The following PRTG variants were observed in gnomAD, a reference collection of about 807,000 sequenced individuals.
PRTG encodes protogenin, also known as immunoglobulin superfamily, DCC subclass, member 5.
In PRTG, 67 loss-of-function variants were observed where a neutral mutation model predicts 122.5. The ratio of observed to expected loss-of-function variants is 0.55; its 90% CI spans 0.45 to 0.67. PRTG has a LOEUF of 0.67. Ranked by LOEUF, PRTG falls within the 30% of genes least tolerant of loss-of-function variation. The probability of loss-of-function intolerance (pLI) is 0.00; values close to 1 mark genes in which losing one functional copy is unlikely to be tolerated. For synonymous variants in PRTG, 554 were observed against 501.1 expected, an observed-to-expected ratio of 1.11 and a Z score of -1.41; for missense variants, 1,435 against 1,415.4, an observed-to-expected ratio of 1.01 and a Z score of -0.22.
chr15:55,616,685 T>G lies in PRTG; in HGVS notation c.*3327A>C, dbSNP rs28523366. On this transcript the variant is annotated 3_prime_UTR_variant, in exon 20 of 20. Coordinates refer to ENST00000389286, the MANE Select transcript of PRTG (RefSeq NM_173814.6). ...TTTAATGTACAACTATATTTGCCTA[T>G]ATGCGGAGGTAACCTTAAATATCTT... 5 of 152,184 alleles carry G rather than the reference T, an allele frequency of 3.3e-5. No homozygotes were observed. The highest frequency in any genetic ancestry group is 1.2e-4 in the African/African-American group (5 of 41,462). The allele number at this position is 152,184 out of a possible 1,614,324, so 9.4% of individuals were successfully genotyped here.
chr15:55,683,073 T>G (rs948680083), intron 3 of PRTG, among the ~76,000 whole-genome samples: 2 of 152,334 alleles, frequency 1.3e-5, no homozygotes, highest in East Asian at 3.9e-4. Flanking sequence ...TCATTTGACA[T>G]TCTAGCATAG....
At chr15:55,663,598 A>G (rs1169175606) in intron 11 of PRTG, among the ~76,000 whole-genome samples, 12 of 151,366 alleles carry the variant, frequency 7.9e-5, no homozygotes, top group Admixed American at 7.9e-4. Flanking sequence ...CTGGAGTGCA[A>G]TGGCGCTATC....
chr15:55,716,143 G>A (rs573362997), intron 2 of PRTG, among the ~76,000 whole-genome samples: 2 of 152,328 alleles, frequency 1.3e-5, no homozygotes, highest in South Asian at 4.1e-4. Context: ...TGAGACGGGA[G>A]AATCGCTTGA....
chr15:55,691,697 G>T (rs1325363493), intron 2 of PRTG, among the ~76,000 whole-genome samples: 11 of 136,142 alleles, frequency 8.1e-5, no homozygotes, highest in Admixed American at 7.9e-4. Context: ...AAAAAAAAAA[G>T]AATATGTGTT....
rs1567067860 is a variant in PRTG, at chr15:55,612,737, T to TATATATATATATATATATATATATATAC, written c.*7274_*7275insGTATATATATATATATATATATATATAT. The TATATATATATATATATATATATATATAC allele has an allele frequency of 5.5e-5, 3 of 54,314 alleles. 1 individual carries two copies. Among genetic ancestry groups the TATATATATATATATATATATATATATAC allele is most frequent in the African/African-American group, 1.4e-4 (3 of 21,652 alleles). The allele number at this position is 54,314 out of a possible 1,614,324, so 3.4% of individuals were successfully genotyped here. On this transcript the variant is annotated 3_prime_UTR_variant, in exon 20 of 20. Transcript: ENST00000389286. ...ATATATATATATATATATATATATA[T>TATATATATATATATATATATATATATAC]ATATATATATATGACTTAAATTGGA... is the stretch of plus-strand genomic sequence containing the variant.
intron 2 of PRTG, among the ~76,000 whole-genome samples, chr15:55,689,922 C>T (rs754220849): frequency 1.4e-4 from 20 of 147,572 alleles, no homozygotes; most frequent in Admixed American, 1.2e-3. Context: ...AGCAAGACTC[C>T]GTCTCAAAAA....
intron 2 of PRTG, among the ~76,000 whole-genome samples, chr15:55,722,408 A>G (rs2030858723): frequency 1.5e-5 from 1 of 68,238 alleles, no homozygotes; most frequent in African/African-American, 2.9e-5. Context: ...GGGGAAATGA[A>G]TAACTATGAC....
chr15:55,650,188 C>A (rs776811042), intron 11 of PRTG, among the ~76,000 whole-genome samples: 6 of 152,118 alleles, frequency 3.9e-5, no homozygotes, highest in Non-Finnish European at 7.3e-5. Flanking sequence ...AGAAAGCTGA[C>A]ACGTTTGTCA....
intron 2 of PRTG, chr15:55,738,487 G>GTACT: frequency 1.4e-6 from 1 of 701,290 alleles, no homozygotes; most frequent in Non-Finnish European, 2.6e-6. Flanking sequence ...CCTCCACTAT[G>GTACT]TACTCCCTAT....
intron 2 of PRTG, among the ~76,000 whole-genome samples, chr15:55,694,018 T>A (rs1047560446): frequency 2.6e-5 from 4 of 152,210 alleles, no homozygotes; most frequent in Non-Finnish European, 4.4e-5. Flanking sequence ...CTTAGGTAGC[T>A]TTTGCATAAA....
In PRTG at chr15:55,613,759, CTTTTTTTTTTT is replaced by C. The variant is rs61634198; in HGVS notation, c.*6242_*6252del. 8.3e-6 allele frequency: 1 copy of C among 120,546 alleles called. No homozygotes were observed. The highest frequency in any genetic ancestry group is 8.9e-5 in the Admixed American group (1 of 11,278). The allele number at this position is 120,546 out of a possible 1,614,324, so 7.5% of individuals were successfully genotyped here. A position where few individuals can be genotyped will look rare whatever the true frequency, so the allele number is the denominator to read the frequency against. On this transcript the variant is annotated 3_prime_UTR_variant, in exon 20 of 20. Coordinates refer to ENST00000389286, the MANE Select transcript of PRTG (RefSeq NM_173814.6). ...ACTATGACCCTGGGTGATTAAATAC[CTTTTTTTTTTT>C]TTTTTTTTTTTAAGCTGAGACAATG... is the stretch of plus-strand genomic sequence containing the variant.
chr15:55,667,411 T>C (rs1048736398), intron 11 of PRTG, among the ~76,000 whole-genome samples: 4 of 152,094 alleles, frequency 2.6e-5, no homozygotes, highest in African/African-American at 9.7e-5. Flanking sequence ...TTTTGAAGTA[T>C]TGGTTTCTAA....
intron 5 of PRTG, 21 bp downstream of exon 5, chr15:55,680,470 T>A (rs1205047105): frequency 1.3e-6 from 2 of 1,552,726 alleles, no homozygotes; most frequent in Non-Finnish European, 1.7e-6. Context: ...GACTTTTTTT[T>A]TTTTTCCTGA....
At chr15:55,671,582 T>C (rs1347057841) in intron 11 of PRTG, among the ~76,000 whole-genome samples, 2 of 152,124 alleles carry the variant, frequency 1.3e-5, no homozygotes, top group African/African-American at 4.8e-5. Flanking sequence ...CACTGCAACC[T>C]CCACCACCCA....
chr15:55,635,545 T>A (rs1247637881), intron 15 of PRTG, among the ~76,000 whole-genome samples: 1 of 152,196 alleles, frequency 6.6e-6, no homozygotes, highest in Non-Finnish European at 1.5e-5. Context: ...AGTTGTAAAT[T>A]AGTTTGTTAG....
intron 18 of PRTG, among the ~76,000 whole-genome samples, chr15:55,622,150 T>C (rs76674695): frequency 0.074 from 11,261 of 151,290 alleles, 524 homozygotes; most frequent in Non-Finnish European, 0.11. Context: ...TCTGCTTCTC[T>C]CCTAACCTCT....
intron 2 of PRTG, chr15:55,738,756 GGAAGAGACAGGAA>G (rs2031515279): frequency 3.3e-6 from 1 of 301,928 alleles, no homozygotes; most frequent in Non-Finnish European, 6.1e-6. Flanking sequence ...GCAGAGGGAG[GGAAGAGACAGGAA>G]GAAGAGAGGG....
At position 55,673,604 on chromosome 15, in the gene PRTG, A is replaced by G. The variant is rs745317647; in HGVS notation, c.1619T>C (p.Ile540Thr). 1 of 1,614,198 alleles carries G rather than the reference A, an allele frequency of 6.2e-7. No homozygotes were observed. The highest frequency in any genetic ancestry group is 1.1e-5 in the South Asian group (1 of 91,088). ...PTDILISWLP[I>T]PAKYRRGQVV... is the part of the protein sequence containing the mutation. ...TTGGCCCCGCCGATATTTGGCTGGGATTGGCAGCCAGGAGATGAGAATATC... is the reference window on the plus strand; with the variant it reads ...TTGGCCCCGCCGATATTTGGCTGGGGTTGGCAGCCAGGAGATGAGAATATC... The change falls in exon 10 of 20, where the codon ATC becomes ACC. Residue 540 changes from isoleucine to threonine, a missense_variant. Physicochemically the swap from Ile to Thr is moderately conservative, Grantham distance 89. Coordinates refer to ENST00000389286, the MANE Select transcript of PRTG (RefSeq NM_173814.6).
chr15:55,627,279 A>G, intron 16 of PRTG, 151 bp from the exon 17 acceptor site: 1 of 436,416 alleles, frequency 2.3e-6, no homozygotes. Flanking sequence ...ACACACAGTA[A>G]TCTTTAATCA....
Sources: gnomAD v4.1 joint callset for allele counts (sites outside exome capture counted in the v4.1 genomes callset) on GRCh38, gnomAD v4.1.1 for gene constraint, MANE v1.5 for transcripts, NCBI Gene and HGNC (gene_info 2026-07-23, HGNC 2026-07-21) for gene names.